ATRX: variants seen among roughly 807,000 people sequenced by gnomAD.
ATRX encodes the protein chromatin remodeler ATRX.
A neutral mutation model predicts 172.6 loss-of-function variants in ATRX; 12 were observed. That is an observed-to-expected ratio of 0.07 (90% CI 0.04 to 0.11). ATRX has a LOEUF of 0.11. Ranked by LOEUF, ATRX falls within the 10% of genes least tolerant of loss-of-function variation. The probability of loss-of-function intolerance (pLI) is 1.00; values close to 1 mark genes in which losing one functional copy is unlikely to be tolerated. For synonymous variants in ATRX, 674 were observed against 594.7 expected (o/e 1.13, Z -1.94); for missense variants, 1,368 against 1,767.4 (o/e 0.77, Z 4.05).
chrX:77,656,792 T>C (rs2069577653), intron 12 of ATRX, 139 bp from the exon 13 acceptor site: 3 of 440,300 alleles, frequency 6.8e-6, no homozygotes, highest in Non-Finnish European at 7.7e-6. Flanking sequence ...TAATACATAA[T>C]ATAGAATATA....
At chrX:77,565,070 CAAT>C (rs1160163030) in intron 28 of ATRX, among the ~76,000 whole-genome samples, 6 of 111,397 alleles carry the variant, frequency 5.4e-5, no homozygotes, top group African/African-American at 2.0e-4. Context: ...TACCACCATC[CAAT>C]AATAACTAAT....
At chrX:77,656,517 T>C (rs369166888) in intron 13 of ATRX, 43 bp downstream of exon 13, 5 of 1,019,489 alleles carry the variant, frequency 4.9e-6, no homozygotes, top group Non-Finnish European at 6.9e-6. Context: ...GGCATGGTCA[T>C]TCAGATTAAT....
chrX:77,769,439 C>A (rs1315283190), intron 1 of ATRX, among the ~76,000 whole-genome samples: 4 of 110,083 alleles, frequency 3.6e-5, no homozygotes, highest in African/African-American at 1.3e-4. Context: ...CAAGTGCATG[C>A]CACCATGCCC....
intron 1 of ATRX, among the ~76,000 whole-genome samples, chrX:77,718,455 G>C (rs2073564693): frequency 9.7e-6 from 1 of 102,611 alleles, no homozygotes; most frequent in East Asian, 3.1e-4. Context: ...CTCACTGCAA[G>C]CTCTGCCTCC....
At chrX:77,577,590 G>T (rs1444228729) in intron 27 of ATRX, among the ~76,000 whole-genome samples, 1 of 110,526 alleles carries the variant, frequency 9.0e-6, no homozygotes, top group Admixed American at 9.6e-5. Context: ...TAAATTTTAT[G>T]TTATATATAT....
At position 77,681,542 on chromosome X, in the gene ATRX, A is replaced by T. The variant is rs1264045408; in HGVS notation, c.3714T>A (p.His1238Gln). ...PVTENLVLSS[H>Q]TGFCQSSGDE... is the part of the protein sequence containing the mutation. ...TACCTGAAGATTGGCAAAATCCAGT[A>T]TGTGAAGACAGCACTAAATTTTCAG... Residue 1238 changes from histidine (H) to glutamine (Q), a missense_variant, in exon 9 of 35, where the codon CAT (histidine) becomes CAA (glutamine). His to Gln is a conservative substitution (Grantham distance 24). Coordinates refer to ENST00000373344, the MANE Select transcript of ATRX (RefSeq NM_000489.6). The T allele has an allele frequency of 8.3e-7, 1 of 1,210,417 alleles. No homozygotes were observed. Among genetic ancestry groups the T allele is most frequent in the South Asian group, 1.8e-5 (1 of 56,605 alleles).
intron 1 of ATRX, among the ~76,000 whole-genome samples, chrX:77,749,095 C>A (rs1469153872): frequency 9.1e-6 from 1 of 110,299 alleles, no homozygotes; most frequent in Non-Finnish European, 1.9e-5. Context: ...AATTTTTCAA[C>A]CCTCACCCCC....
intron 1 of ATRX, among the ~76,000 whole-genome samples, chrX:77,784,639 GAC>G (rs782724265): frequency 1.5e-4 from 17 of 111,696 alleles, no homozygotes; most frequent in Non-Finnish European, 2.6e-4. Flanking sequence ...TGAGCCTACT[GAC>G]AAATTCAGAA....
At chrX:77,686,906 CACTTTGGGAGGCTG>C (rs1453467775) in intron 7 of ATRX, among the ~76,000 whole-genome samples, 1 of 108,712 alleles carries the variant, frequency 9.2e-6, no homozygotes, top group Non-Finnish European at 1.9e-5. Context: ...GTAATCCCAG[CACTTTGGGAGGCTG>C]AGATGGGTGG....
intron 1 of ATRX, among the ~76,000 whole-genome samples, chrX:77,776,032 A>T (rs920005483): frequency 8.9e-6 from 1 of 111,912 alleles, no homozygotes; most frequent in Admixed American, 9.6e-5. Flanking sequence ...GCACCCAGCC[A>T]AAAACAATAA....
chrX:77,723,269 G>A (rs1321065026), intron 1 of ATRX, among the ~76,000 whole-genome samples: 1 of 111,016 alleles, frequency 9.0e-6, no homozygotes, highest in Non-Finnish European at 1.9e-5. Context: ...ACCATGGCAC[G>A]TGTATAGATA....
chrX:77,551,663 C>A (rs2064523919), intron 30 of ATRX, among the ~76,000 whole-genome samples: 2 of 111,799 alleles, frequency 1.8e-5, no homozygotes, highest in Non-Finnish European at 1.9e-5. Context: ...AAAGAAACTA[C>A]CATCAGAGTG....
chrX:77,555,847 C>T (rs1197760813), intron 30 of ATRX, among the ~76,000 whole-genome samples: 2 of 109,563 alleles, frequency 1.8e-5, no homozygotes, highest in African/African-American at 6.7e-5. Flanking sequence ...GTTCAGCACA[C>T]GTATAACAGA....
chrX:77,745,173 GAA>G (rs1247509964), intron 1 of ATRX, among the ~76,000 whole-genome samples: 2 of 27,427 alleles, frequency 7.3e-5, no homozygotes, highest in South Asian at 2.0e-3. Flanking sequence ...TCTCAAAAAT[GAA>G]AAAAAAAAAA....
At chrX:77,574,187 C>G in intron 28 of ATRX, 63 bp downstream of exon 28, 1 of 802,716 alleles carries the variant, frequency 1.2e-6, no homozygotes, top group South Asian at 2.3e-5. Context: ...AAATAGTGAA[C>G]TTTATGTAAA....
chrX:77,686,344 A>C (rs1300056844), intron 7 of ATRX, among the ~76,000 whole-genome samples: 1 of 112,074 alleles, frequency 8.9e-6, no homozygotes, highest in Non-Finnish European at 1.9e-5. Context: ...TGAACCCACA[A>C]AAATTTTAAA....
intron 1 of ATRX, among the ~76,000 whole-genome samples, chrX:77,775,281 T>A (rs1325490026): frequency 5.4e-5 from 6 of 111,746 alleles, no homozygotes; most frequent in Middle Eastern, 4.6e-3. Flanking sequence ...TCTACAAGTC[T>A]GAAATTATAT....
At chrX:77,666,255 A>G (rs1646040397) in intron 10 of ATRX, among the ~76,000 whole-genome samples, 1 of 112,064 alleles carries the variant, frequency 8.9e-6, no homozygotes, top group African/African-American at 3.2e-5. Flanking sequence ...GTATTTCAAT[A>G]AAGTGAAGAT....
At position 77,683,431 on chromosome X, in the gene ATRX, G is replaced by C. The variant is rs186742436; in HGVS notation, c.1825C>G (p.Pro609Ala). 243 of 1,207,898 alleles carry C rather than the reference G, an allele frequency of 2.0e-4. 3 individuals are homozygous for C. The East Asian group carries it at 6.7e-3, about 33-fold the overall frequency. ...PIKGADCQEV[P>A]QDKDGYKSCG... Reference sequence around the variant, plus strand: ...CTTTTATAGCCATCTTTATCTTGTGGAACTTCCTGACAATCAGCACCTTTA... The same window carrying C: ...CTTTTATAGCCATCTTTATCTTGTGCAACTTCCTGACAATCAGCACCTTTA... The change falls in exon 9 of 35, where the codon CCA becomes GCA. Residue 609 changes from proline to alanine, a missense_variant. Coordinates refer to ENST00000373344, the MANE Select transcript of ATRX (RefSeq NM_000489.6).
Sources: allele counts gnomAD v4.1 joint callset (sites outside exome capture counted in the v4.1 genomes callset), GRCh38; gene constraint gnomAD v4.1.1; transcripts MANE v1.5; gene names NCBI Gene and HGNC (gene_info 2026-07-23, HGNC 2026-07-21).